Variants in TCF12 observed in about 807,000 individuals in gnomAD.
The protein encoded by TCF12 is transcription factor 12.
A neutral mutation model predicts 86.0 loss-of-function variants in TCF12; 45 were observed. That is an observed-to-expected ratio of 0.52 (90% confidence interval 0.41 to 0.67). The LOEUF is 0.67. Among genes scored for constraint, TCF12 ranks in the 30% least tolerant of loss-of-function variants. The pLI, the probability that TCF12 is intolerant of heterozygous loss-of-function variation, is 0.00. For missense variants in TCF12, 881 were observed against 859.9 expected (o/e 1.02, Z -0.31); for synonymous variants, 330 against 299.6 (o/e 1.10, Z -1.05).
chr15:57,256,303 G>C (rs2060343209), intron 16 of TCF12, among the ~76,000 whole-genome samples: 1 of 152,150 alleles, frequency 6.6e-6, no homozygotes, highest in South Asian at 2.1e-4. Flanking sequence ...TCTTTTCCGT[G>C]TCTGAGGGCT....
At chr15:57,066,467 A>G (rs1442808155) in intron 4 of TCF12, among the ~76,000 whole-genome samples, 1 of 152,146 alleles carries the variant, frequency 6.6e-6, no homozygotes, top group African/African-American at 2.4e-5. Flanking sequence ...CAAGTAAATG[A>G]AATTTATTTA....
At chr15:57,075,166 T>C (rs1384936556) in intron 4 of TCF12, among the ~76,000 whole-genome samples, 2 of 152,274 alleles carry the variant, frequency 1.3e-5, no homozygotes, top group Admixed American at 6.5e-5. Flanking sequence ...AAGTGCCAGC[T>C]GTCCTGAACC....
chr15:57,075,840 TTTCTTTCTTTCTTTC>T, intron 4 of TCF12, among the ~76,000 whole-genome samples: 1 of 51,580 alleles, frequency 1.9e-5, no homozygotes, highest in East Asian at 7.0e-4. Context: ...CTCTCTTTTC[TTTCTTTCTTTCTTTC>T]TTTCTTTCCA....
chr15:57,248,059 T>G, intron 13 of TCF12: 2 of 703,144 alleles, frequency 2.8e-6, no homozygotes, highest in African/African-American at 1.7e-5. Context: ...ACCAGACAAC[T>G]GGACTCATGT....
rs567718488 is a variant in TCF12 at position 57,004,592 on chromosome 15, GT to G, written c.149-59157del. ...CCCGGCTAATTTTTTTGTATTTTTA[GT>G]AGAGACGGGGTTTCATTGTGTTAGC... On this transcript the variant is annotated intron_variant, in intron 3 of 20. Coordinates refer to ENST00000333725, the MANE Select transcript of TCF12 (RefSeq NM_207037.2). 1.6e-4 allele frequency among the ~76,000 whole-genome samples: 24 copies of G among 152,130 alleles called. 1 individual carries two copies. The South Asian group carries it at 5.0e-3, about 32-fold the overall frequency.
At chr15:57,228,247 G>C (rs1486950651) in intron 8 of TCF12, among the ~76,000 whole-genome samples, 1 of 152,014 alleles carries the variant, frequency 6.6e-6, no homozygotes, top group Non-Finnish European at 1.5e-5. Context: ...TCATAACATT[G>C]CATCTATGTT....
At chr15:56,989,216 C>G (rs1567212218) in intron 3 of TCF12, among the ~76,000 whole-genome samples, 1 of 151,954 alleles carries the variant, frequency 6.6e-6, no homozygotes, top group Non-Finnish European at 1.5e-5. Flanking sequence ...TATTTTAAGT[C>G]CTGCAAGCAG....
chr15:57,194,403 T>C (rs761121563), intron 7 of TCF12, among the ~76,000 whole-genome samples: 1 of 152,188 alleles, frequency 6.6e-6, no homozygotes, highest in Non-Finnish European at 1.5e-5. Flanking sequence ...GGTAGTTCTC[T>C]TGGTGCCCAG....
Position 57,092,664 on chromosome 15 carries a change from GTTTTATGA to G in TCF12, c.325+778_325+785del, listed in dbSNP as rs776404323. On this transcript the variant is annotated intron_variant, in intron 5 of 20. Transcript: ENST00000333725. ...AAACCTGATTGAAAATAATCTGTAT[GTTTTATGA>G]TTTTTTTTCTTGCTTATGCTGGGGC... Among the ~76,000 whole-genome samples, 69 of 151,412 alleles carry G rather than the reference GTTTTATGA, an allele frequency of 4.6e-4. 1 individual carries two copies. Among genetic ancestry groups the G allele is most frequent in the Non-Finnish European group, 8.4e-4 (57 of 67,876 alleles).
chr15:57,070,756 G>T (rs1414950212), intron 4 of TCF12, among the ~76,000 whole-genome samples: 1 of 152,124 alleles, frequency 6.6e-6, no homozygotes, highest in African/African-American at 2.4e-5. Flanking sequence ...TAGAACCTTG[G>T]TTTTTCTAAT....
At chr15:57,064,795 C>CAAAAAAAAAAAAAAAAAAAA (rs1177544594) in intron 4 of TCF12, among the ~76,000 whole-genome samples, 13 of 78,064 alleles carry the variant, frequency 1.7e-4, no homozygotes, top group African/African-American at 8.8e-4. Flanking sequence ...GACTCCATCT[C>CAAAAAAAAAAAAAAAAAAAA]AAAAAAAAAA....
In TCF12 at chr15:57,198,784, G is replaced by A. The variant is rs922785938; in HGVS notation, c.579+959G>A. ...TACTTAACCCATGGGCGCAGGTGCC[G>A]CCAGATGAGTCAGCTCATCGAAGTA... On this transcript the variant is annotated intron_variant, in intron 8 of 20. Transcript: ENST00000333725. Among the ~76,000 whole-genome samples, 3 of 152,106 alleles carry A rather than the reference G, an allele frequency of 2.0e-5. No homozygotes were observed. The South Asian group carries it at 6.2e-4, about 32-fold the overall frequency.
At chr15:57,208,449 C>T (rs1396571132) in intron 8 of TCF12, among the ~76,000 whole-genome samples, 1 of 123,614 alleles carries the variant, frequency 8.1e-6, no homozygotes, top group Non-Finnish European at 1.6e-5. Context: ...GTGGCATAAT[C>T]TTGGCTCACT....
intron 13 of TCF12, chr15:57,247,542 C>T: frequency 1.1e-6 from 1 of 922,206 alleles, no homozygotes; most frequent in Non-Finnish European, 1.8e-6. Flanking sequence ...GTTATAAAAG[C>T]AAATCCTGTC....
intron 4 of TCF12, among the ~76,000 whole-genome samples, chr15:57,073,304 G>A (rs1596391537): frequency 6.6e-6 from 1 of 152,130 alleles, no homozygotes. Context: ...GAATCTTTAT[G>A]TCCCTTTTTG....
intron 3 of TCF12, among the ~76,000 whole-genome samples, chr15:57,021,421 G>C (rs1298398402): frequency 6.6e-6 from 1 of 152,220 alleles, no homozygotes; most frequent in Non-Finnish European, 1.5e-5. Context: ...GGGAGGCCCA[G>C]GAGGGCGGAT....
At chr15:57,260,912 A>G (rs2060557876) in intron 16 of TCF12, among the ~76,000 whole-genome samples, 1 of 152,162 alleles carries the variant, frequency 6.6e-6, no homozygotes, top group African/African-American at 2.4e-5. Flanking sequence ...CCATTTCTTT[A>G]CTGATTGTTA....
chr15:57,151,368 C>T (rs1433363599), intron 5 of TCF12, among the ~76,000 whole-genome samples: 1 of 20,192 alleles, frequency 5.0e-5, no homozygotes, highest in East Asian at 2.3e-3. Flanking sequence ...TTATTCACTT[C>T]AGAAGAAAAA....
chr15:57,064,389 C>A (rs954128193), intron 4 of TCF12, among the ~76,000 whole-genome samples: 46 of 151,882 alleles, frequency 3.0e-4, no homozygotes, highest in Admixed American at 3.9e-4. Context: ...AAACAAAAAA[C>A]CCCCAAAGCT....
Sources: gnomAD v4.1 joint callset for allele counts (sites outside exome capture counted in the v4.1 genomes callset) on GRCh38, gnomAD v4.1.1 for gene constraint, MANE v1.5 for transcripts, NCBI Gene and HGNC (gene_info 2026-07-23, HGNC 2026-07-21) for gene names.